RIMKLB: variants seen among roughly 807,000 people sequenced by gnomAD.
The protein encoded by RIMKLB is beta-citrylglutamate synthase B.
A neutral mutation model predicts 32.0 loss-of-function variants in RIMKLB; 7 were observed. The observed-to-expected ratio is 0.22, with a 90% confidence interval of 0.12 to 0.41. RIMKLB has a LOEUF of 0.41. Ranked by LOEUF, RIMKLB falls within the 10% of genes least tolerant of loss-of-function variation. The pLI, the probability that RIMKLB is intolerant of heterozygous loss-of-function variation, is 1.00. For synonymous variants in RIMKLB, 172 were observed against 185.1 expected (o/e 0.93, Z 0.57); for missense variants, 289 against 498.7 (o/e 0.58, Z 4.00).
chr12:8,715,246 T>TTTTTTTTTTTTTTTTTG (rs1555153656), intron 2 of RIMKLB, among the ~76,000 whole-genome samples: 4 of 148,282 alleles, frequency 2.7e-5, no homozygotes, highest in African/African-American at 1.0e-4. Context: ...TTTTTTTTTT[T>TTTTTTTTTTTTTTTTTG]GGAGACAGGG....
chr12:8,675,831 G>C, the RIMKLB span, among the ~76,000 whole-genome samples: 1 of 150,298 alleles, frequency 6.7e-6, no homozygotes, highest in Non-Finnish European at 1.5e-5. Context: ...TAATAGTCAT[G>C]GGTTTTCTGT....
At chr12:8,678,508 A>C (rs1942358198), upstream of RIMKLB, among the ~76,000 whole-genome samples, 1 of 151,312 alleles carries the variant, frequency 6.6e-6, no homozygotes, top group South Asian at 2.1e-4. Flanking sequence ...TTTTGTTTTT[A>C]ATAGAGACGG....
chr12:8,670,028 A>G, the RIMKLB span, among the ~76,000 whole-genome samples: 1 of 140,526 alleles, frequency 7.1e-6, no homozygotes, highest in Admixed American at 7.0e-5. Context: ...CTCCGTCTCA[A>G]AAAAAAAAAA....
chr12:8,771,180 A>G lies in RIMKLB; in HGVS notation c.698-2141A>G, dbSNP rs1314801322. 4.6e-5 allele frequency among the ~76,000 whole-genome samples: 7 copies of G among 152,318 alleles called. No individual in the cohort carries two copies. The South Asian group carries it at 8.3e-4, about 18-fold the overall frequency. On this transcript the variant is annotated intron_variant, in intron 5 of 5. Transcript: ENST00000535829. ...AAAAATGTAATTGGACCAAAAGGGT[A>G]TGATCTAACACTAGTAGACTGAGTA...
At position 8,775,031 on chromosome 12, in the gene RIMKLB, G is replaced by A. The variant is rs2138328403; in HGVS notation, c.*1247G>A. On this transcript the variant is annotated 3_prime_UTR_variant, in exon 6 of 6. Coordinates refer to ENST00000535829, the MANE Select transcript of RIMKLB (RefSeq NM_001297776.2). Reference sequence around the variant, plus strand: ...GTTTTCATAAGTAGACTCCACTGGGGTAGAGGTATTCACCTTAAAACATAG... The same window carrying A: ...GTTTTCATAAGTAGACTCCACTGGGATAGAGGTATTCACCTTAAAACATAG... The A allele has an allele frequency of 1.0e-6, 1 of 985,764 alleles. No individual in the cohort carries two copies. The highest frequency in any genetic ancestry group is 4.7e-5 in the South Asian group (1 of 21,286). The allele number at this position is 985,764 out of a possible 1,614,324, so 61.1% of individuals were successfully genotyped here.
chr12:8,776,449 T>C lies in RIMKLB; in HGVS notation c.*2665T>C, dbSNP rs1184596336. 3 of 829,484 alleles carry C rather than the reference T, an allele frequency of 3.6e-6. No individual in the cohort carries two copies. Among genetic ancestry groups the C allele is most frequent in the Non-Finnish European group, 4.4e-6 (3 of 688,296 alleles). 51.4% of individuals were successfully genotyped at this position (829,484 alleles called of 1,614,324 possible). A position where few individuals can be genotyped will look rare whatever the true frequency, so the allele number is the denominator to read the frequency against. On this transcript the variant is annotated 3_prime_UTR_variant, in exon 6 of 6. Coordinates refer to ENST00000535829, the MANE Select transcript of RIMKLB (RefSeq NM_001297776.2). ...TATTTTCATAATTGTTTAATAACTT[T>C]TGTATAATCTTCATTGCTATTATGA...
intron 2 of RIMKLB, among the ~76,000 whole-genome samples, chr12:8,733,472 G>C (rs1487818325): frequency 1.3e-5 from 2 of 152,146 alleles, no homozygotes; most frequent in African/African-American, 2.4e-5. Context: ...CTATTATTAA[G>C]TAACCTGAAT....
chr12:8,698,352 G>C (rs373004332), intron 1 of RIMKLB, 55 bp downstream of exon 1: 7 of 201,998 alleles, frequency 3.5e-5, no homozygotes, highest in South Asian at 3.3e-4. Flanking sequence ...GCGAAGGCGC[G>C]CCCTCCCGAG....
chr12:8,754,272 T>G (rs1418581329), intron 5 of RIMKLB, among the ~76,000 whole-genome samples, 179 bp downstream of exon 5: 1 of 152,238 alleles, frequency 6.6e-6, no homozygotes, highest in Admixed American at 6.5e-5. Context: ...GTTATTTTTC[T>G]AGTAATATAA....
intron 1 of RIMKLB, among the ~76,000 whole-genome samples, chr12:8,689,604 C>T (rs1258810214): frequency 1.3e-5 from 2 of 152,084 alleles, no homozygotes; most frequent in African/African-American, 4.8e-5. Context: ...TTCTTCCTCT[C>T]TGTCACGTTT....
At chr12:8,771,108 T>G (rs545327591) in intron 5 of RIMKLB, among the ~76,000 whole-genome samples, 42 of 152,202 alleles carry the variant, frequency 2.8e-4, no homozygotes, top group Admixed American at 8.5e-4. Context: ...TTTCTGAACC[T>G]TGCCCTTTTT....
chr12:8,689,088 A>G (rs1942661670), intron 1 of RIMKLB, among the ~76,000 whole-genome samples: 1 of 152,216 alleles, frequency 6.6e-6, no homozygotes, highest in Non-Finnish European at 1.5e-5. Context: ...TGCCTGCCTC[A>G]GCCTCCAAAA....
Position 8,772,588 on chromosome 12 carries a change from G to T in RIMKLB, c.698-733G>T, listed in dbSNP as rs900801560. On this transcript the variant is annotated intron_variant, in intron 5 of 5. Coordinates refer to ENST00000535829, the MANE Select transcript of RIMKLB (RefSeq NM_001297776.2). ...TGACTTCTTTATTCCTACAGCCTCA[G>T]TGGTAGGGAGGATCCACCTCACCTG... 2.0e-5 allele frequency among the ~76,000 whole-genome samples: 3 copies of T among 152,192 alleles called. No homozygotes were observed. The South Asian group carries it at 6.2e-4, about 32-fold the overall frequency.
chr12:8,782,093 G>T (rs1170688671), downstream of RIMKLB, among the ~76,000 whole-genome samples: 1 of 149,030 alleles, frequency 6.7e-6, no homozygotes, highest in Admixed American at 6.7e-5. Context: ...CAGTAATTTT[G>T]ATTACTATAT....
intron 1 of RIMKLB, among the ~76,000 whole-genome samples, chr12:8,699,007 T>G (rs980574230): frequency 2.0e-5 from 3 of 152,228 alleles, no homozygotes; most frequent in African/African-American, 7.2e-5. Flanking sequence ...TCTCCCCTTA[T>G]TAATATGTCC....
chr12:8,682,117 A>T (rs773359992), intron 1 of RIMKLB, among the ~76,000 whole-genome samples: 1 of 152,302 alleles, frequency 6.6e-6, no homozygotes, highest in East Asian at 1.9e-4. Flanking sequence ...GTTCTGTGTG[A>T]GGGTGTAAAG....
chr12:8,671,868 C>T, the RIMKLB span, among the ~76,000 whole-genome samples: 1 of 152,004 alleles, frequency 6.6e-6, no homozygotes, highest in Non-Finnish European at 1.5e-5. Context: ...GCTGAGATTG[C>T]GCCATTGCAC....
At chr12:8,748,807 C>T (rs916879413) in intron 2 of RIMKLB, among the ~76,000 whole-genome samples, 5 of 151,622 alleles carry the variant, frequency 3.3e-5, no homozygotes, top group Non-Finnish European at 7.4e-5. Flanking sequence ...GGCATGGTGG[C>T]GGACGCCTGT....
chr12:8,731,275 T>C (rs1409087633), intron 2 of RIMKLB, among the ~76,000 whole-genome samples: 1 of 151,484 alleles, frequency 6.6e-6, no homozygotes, highest in African/African-American at 2.4e-5. Context: ...TTTTTGTATT[T>C]GTAGTAGAGA....
Sources: allele counts gnomAD v4.1 joint callset (sites outside exome capture counted in the v4.1 genomes callset), GRCh38; gene constraint gnomAD v4.1.1; transcripts MANE v1.5; gene names NCBI Gene and HGNC (gene_info 2026-07-23, HGNC 2026-07-21).